Variants in BLVRA observed in about 807,000 individuals in gnomAD.
BLVRA encodes the protein BVR A.
A neutral mutation model predicts 32.8 loss-of-function variants in BLVRA; 22 were observed. That is an observed-to-expected ratio of 0.67 (90% CI 0.48 to 0.96). The LOEUF is 0.96. Among genes scored for constraint, BLVRA ranks in the 40% least tolerant of loss-of-function variants. The pLI is 0.00. For synonymous variants in BLVRA, 119 were observed against 141.3 expected (o/e 0.84, Z 1.12); for missense variants, 323 against 358.1 (o/e 0.90, Z 0.79).
At chr7:43,783,952 T>C (rs1011661122) in intron 2 of BLVRA, among the ~76,000 whole-genome samples, 4 of 152,144 alleles carry the variant, frequency 2.6e-5, no homozygotes, top group Admixed American at 2.6e-4. Context: ...CTACCCTCTT[T>C]ATCTCAAAAA....
intron 2 of BLVRA, among the ~76,000 whole-genome samples, chr7:43,779,328 A>T (rs1189232460): frequency 6.6e-6 from 1 of 152,212 alleles, no homozygotes; most frequent in South Asian, 2.1e-4. Context: ...CAGGCTTCTC[A>T]AAAAAGATAC....
intron 6 of BLVRA, among the ~76,000 whole-genome samples, chr7:43,801,321 T>C (rs918815021): frequency 6.6e-6 from 1 of 152,212 alleles, no homozygotes; most frequent in African/African-American, 2.4e-5. Flanking sequence ...TCTGTATTTG[T>C]AGCTGTTTAC....
chr7:43,797,161 G>A (rs997715467), intron 5 of BLVRA, among the ~76,000 whole-genome samples: 1 of 152,082 alleles, frequency 6.6e-6, no homozygotes. Flanking sequence ...TGAACGCAGT[G>A]GCGCAAACCT....
intron 6 of BLVRA, among the ~76,000 whole-genome samples, chr7:43,801,964 G>A (rs536169852): frequency 6.5e-4 from 99 of 151,964 alleles, no homozygotes; most frequent in Non-Finnish European, 7.5e-4. Flanking sequence ...GTGAAACACC[G>A]TCTCTACTAA....
chr7:43,781,634 C>T (rs2095769674), intron 2 of BLVRA, among the ~76,000 whole-genome samples: 1 of 152,180 alleles, frequency 6.6e-6, no homozygotes, highest in Non-Finnish European at 1.5e-5. Flanking sequence ...CCACAGTGCC[C>T]AGCCTGATAT....
chr7:43,787,783 CTG>C lies in BLVRA; in HGVS notation c.13-115_13-114del. 6.8e-7 allele frequency: 1 copy of C among 1,475,504 alleles called. No homozygotes were observed. The highest frequency in any genetic ancestry group is 9.5e-7 in the Non-Finnish European group (1 of 1,056,570). The allele number at this position is 1,475,504 out of a possible 1,614,324, so 91.4% of individuals were successfully genotyped here. ...CATCCCATCCTGATGCTGTGGCTTC[CTG>C]TGTGTTTTGGGCTGGCTTCCATCTT... On this transcript the variant is annotated intron_variant, in intron 2 of 7. Transcript: ENST00000265523. This position sits in a 1 kb window ranked among gnomAD's most constrained non-coding sequence, Gnocchi z 4.5.
chr7:43,767,708 TAAG>T (rs2095749765), intron 1 of BLVRA: 7 of 449,234 alleles, frequency 1.6e-5, no homozygotes, highest in Admixed American at 2.9e-5. Context: ...AAGTCAGTCT[TAAG>T]GAGTCATGTT....
chr7:43,790,444 AACAC>A (rs1008271893), intron 3 of BLVRA, among the ~76,000 whole-genome samples: 8 of 151,158 alleles, frequency 5.3e-5, no homozygotes, highest in South Asian at 2.1e-4. Context: ...CACACACACA[AACAC>A]ACACACAGAC....
intron 1 of BLVRA, among the ~76,000 whole-genome samples, chr7:43,759,583 A>G (rs1458873598): frequency 6.6e-6 from 1 of 152,216 alleles, no homozygotes; most frequent in African/African-American, 2.4e-5. Flanking sequence ...AGCCCTGAAG[A>G]ATAAGTGACT....
intron 2 of BLVRA, among the ~76,000 whole-genome samples, chr7:43,784,984 A>C (rs956724675): frequency 2.0e-5 from 3 of 152,150 alleles, no homozygotes; most frequent in Non-Finnish European, 4.4e-5. Context: ...AGCAGTTTAT[A>C]ATTTAGCCTG....
chr7:43,807,092 A>G lies in BLVRA; in HGVS notation c.748A>G (p.Ile250Val), dbSNP rs2132602523. ...NVPNVGVNKN[I>V]FLKDQNIFVQ... ...GCCAAATGTAGGAGTGAATAAGAAC[A>G]TATTTCTGAAAGATCAAAATATATT... Residue 250 changes from isoleucine (I) to valine (V), a missense_variant, in exon 8 of 8, where the codon ATA becomes GTA. By Grantham distance (29) the Ile-to-Val change is conservative (BLOSUM62 3). Transcript: ENST00000265523. 1.9e-6 allele frequency: 3 copies of G among 1,614,240 alleles called. No individual in the cohort carries two copies. The highest frequency in any genetic ancestry group is 2.2e-5 in the South Asian group (2 of 91,080).
chr7:43,790,267 C>T lies in BLVRA; in HGVS notation c.135-982C>T, dbSNP rs115773327. ...TGGCTCTTCGAAGACTGCAGCTCCC[C>T]CATGCTCTAGAAGAGTCAGAAGGCC... On this transcript the variant is annotated intron_variant, in intron 3 of 7. Coordinates refer to ENST00000265523, the MANE Select transcript of BLVRA (RefSeq NM_000712.4). Among the ~76,000 whole-genome samples the T allele has an allele frequency of 4.3e-3, 655 of 152,226 alleles. 6 individuals are homozygous for T. The highest frequency in any genetic ancestry group is 0.015 in the African/African-American group (610 of 41,544).
chr7:43,759,853 A>G (rs2095740266), intron 1 of BLVRA, among the ~76,000 whole-genome samples: 1 of 152,226 alleles, frequency 6.6e-6, no homozygotes, highest in Admixed American at 6.5e-5. Context: ...TTCCAGAAAA[A>G]CAAGTCAAAT....
chr7:43,806,944 C>T, intron 7 of BLVRA, 33 bp from the exon 8 acceptor site: 2 of 1,612,352 alleles, frequency 1.2e-6, no homozygotes, highest in East Asian at 2.2e-5. Flanking sequence ...TGTGTAATCT[C>T]TAACATGATT....
At chr7:43,774,616 A>G (rs1398362610) in intron 2 of BLVRA, among the ~76,000 whole-genome samples, 1 of 152,236 alleles carries the variant, frequency 6.6e-6, no homozygotes, top group Non-Finnish European at 1.5e-5. Context: ...TGACTTGGCA[A>G]TGCGGGCTCT....
At position 43,776,940 on chromosome 7, in the gene BLVRA, T is replaced by C. The variant is rs1292020953; in HGVS notation, c.12+5770T>C. 5.9e-5 allele frequency among the ~76,000 whole-genome samples: 9 copies of C among 152,226 alleles called. No homozygotes were observed. The East Asian group carries it at 1.7e-3, about 29-fold the overall frequency. On this transcript the variant is annotated intron_variant, in intron 2 of 7. Coordinates refer to ENST00000265523, the MANE Select transcript of BLVRA (RefSeq NM_000712.4). ...TTGATCTTTGTTGGTTTAAATTCTG[T>C]TTTATCAGAGACTAGGATTGCAACC... is the stretch of plus-strand genomic sequence containing the variant.
At chr7:43,778,767 CAG>C (rs1253546150) in intron 2 of BLVRA, among the ~76,000 whole-genome samples, 1 of 152,230 alleles carries the variant, frequency 6.6e-6, no homozygotes, top group Non-Finnish European at 1.5e-5. Context: ...GTGGAGCCTA[CAG>C]AGGCAGGCAG....
chr7:43,769,620 T>TC (rs2095752169), intron 1 of BLVRA, among the ~76,000 whole-genome samples: 2 of 151,452 alleles, frequency 1.3e-5, no homozygotes, highest in African/African-American at 2.4e-5. Flanking sequence ...TTTTTTTTTT[T>TC]CTTTGAGACA....
At chr7:43,765,974 A>T (rs2095747395) in intron 1 of BLVRA, among the ~76,000 whole-genome samples, 1 of 152,212 alleles carries the variant, frequency 6.6e-6, no homozygotes, top group African/African-American at 2.4e-5. Context: ...AGATTTGATT[A>T]AAAAATAAAA....
Sources: allele counts gnomAD v4.1 joint callset (sites outside exome capture counted in the v4.1 genomes callset), GRCh38; gene constraint gnomAD v4.1.1; non-coding constraint Gnocchi (gnomAD v3.1); transcripts MANE v1.5; gene names NCBI Gene and HGNC (gene_info 2026-07-23, HGNC 2026-07-21).